The following RANBP2 variants were observed in gnomAD, a reference collection of about 807,000 sequenced individuals.
The protein encoded by RANBP2 is E3 SUMO-protein ligase RanBP2.
A neutral mutation model predicts 303.6 loss-of-function variants in RANBP2; 57 were observed. The ratio of observed to expected loss-of-function variants is 0.19; its 90% confidence interval spans 0.15 to 0.23. The LOEUF (loss-of-function observed/expected upper bound fraction) is 0.23, where lower values mean the gene tolerates loss of function less well. Ranked by LOEUF, RANBP2 falls within the 10% of genes least tolerant of loss-of-function variation. The pLI, the probability that RANBP2 is intolerant of heterozygous loss-of-function variation, is 1.00. For missense variants in RANBP2, 3,138 were observed against 3,780.8 expected (o/e 0.83, Z 4.46); for synonymous variants, 1,167 against 1,301.5 (o/e 0.90, Z 2.23).
the RANBP2 span, among the ~76,000 whole-genome samples, chr2:108,863,811 G>A: frequency 6.6e-6 from 1 of 152,164 alleles, no homozygotes; most frequent in African/African-American, 2.4e-5. Flanking sequence ...AGGGATATGT[G>A]GCACAGGGAC....
chr2:109,415,699 A>G, the RANBP2 span, among the ~76,000 whole-genome samples: 1 of 152,120 alleles, frequency 6.6e-6, no homozygotes, highest in Non-Finnish European at 1.5e-5. Context: ...GCCTGTCCTC[A>G]TCCCGTGGGG....
the RANBP2 span, among the ~76,000 whole-genome samples, chr2:109,091,510 G>A: frequency 2.0e-5 from 3 of 152,174 alleles, no homozygotes; most frequent in Non-Finnish European, 4.4e-5. Context: ...CCAGCTCTGC[G>A]TGCATTACTC....
the RANBP2 span, among the ~76,000 whole-genome samples, chr2:109,402,971 G>A: frequency 6.6e-6 from 1 of 152,134 alleles, no homozygotes. Flanking sequence ...GCTGTCCAAC[G>A]CATCGACTGC....
chr2:108,971,225 T>C, the RANBP2 span, among the ~76,000 whole-genome samples: 4 of 152,124 alleles, frequency 2.6e-5, no homozygotes, highest in Non-Finnish European at 4.4e-5. Context: ...CATCTTTATA[T>C]TTTTATATCT....
At chr2:109,165,612 C>T in the RANBP2 span, among the ~76,000 whole-genome samples, 1 of 152,320 alleles carries the variant, frequency 6.6e-6, no homozygotes, top group South Asian at 2.1e-4. Flanking sequence ...ACATTGCCAA[C>T]TCTGCCTTAG....
At chr2:109,615,680 G>T in the RANBP2 span, 4 of 1,614,070 alleles carry the variant, frequency 2.5e-6, no homozygotes, top group Non-Finnish European at 3.4e-6. Flanking sequence ...TGGGAGCCCT[G>T]GACGAGGGTG....
the RANBP2 span, among the ~76,000 whole-genome samples, chr2:109,442,332 A>C: frequency 1.3e-5 from 2 of 150,972 alleles, no homozygotes; most frequent in Non-Finnish European, 3.0e-5. Flanking sequence ...AAAAAGAAAA[A>C]ATCCACACTA....
At chr2:108,997,162 C>G in the RANBP2 span, among the ~76,000 whole-genome samples, 1 of 152,216 alleles carries the variant, frequency 6.6e-6, no homozygotes, top group Non-Finnish European at 1.5e-5. Flanking sequence ...CCTAGTATGG[C>G]TGGGCGCAGT....
chr2:109,681,050 C>T, the RANBP2 span, among the ~76,000 whole-genome samples: 1 of 152,184 alleles, frequency 6.6e-6, no homozygotes, highest in Non-Finnish European at 1.5e-5. Context: ...AAATGTCCAT[C>T]AACAGCAGAA....
At chr2:109,419,761 T>A in the RANBP2 span, 2 of 894,092 alleles carry the variant, frequency 2.2e-6, no homozygotes, top group African/African-American at 1.7e-5. Flanking sequence ...TTGGCCAGTA[T>A]AGTTATGTGC....
chr2:109,237,294 A>G, the RANBP2 span, among the ~76,000 whole-genome samples: 8 of 152,252 alleles, frequency 5.3e-5, no homozygotes, highest in African/African-American at 1.7e-4. Context: ...ATTTATCTTT[A>G]TCAGAAAACA....
At chr2:109,334,322 G>T in the RANBP2 span, among the ~76,000 whole-genome samples, 1 of 140,394 alleles carries the variant, frequency 7.1e-6, no homozygotes, top group African/African-American at 2.7e-5. Context: ...CACACCACTC[G>T]ACTTCAGATT....
At chr2:109,408,109 C>T in the RANBP2 span, among the ~76,000 whole-genome samples, 1 of 152,182 alleles carries the variant, frequency 6.6e-6, no homozygotes, top group Non-Finnish European at 1.5e-5. Flanking sequence ...ACAGAAGAGT[C>T]ACTCCCTTGT....
chr2:109,535,963 A>C, the RANBP2 span, among the ~76,000 whole-genome samples: 3 of 150,232 alleles, frequency 2.0e-5, no homozygotes, highest in Non-Finnish European at 2.9e-5. Context: ...CACAGAAGTC[A>C]AGAATTGAGG....
the RANBP2 span, among the ~76,000 whole-genome samples, chr2:109,254,823 G>C: frequency 6.6e-6 from 1 of 152,094 alleles, no homozygotes; most frequent in Non-Finnish European, 1.5e-5. Flanking sequence ...TAGGCTGGAG[G>C]CACTGCCTCG....
chr2:108,843,591 A>G, the RANBP2 span, among the ~76,000 whole-genome samples: 1 of 152,170 alleles, frequency 6.6e-6, no homozygotes, highest in African/African-American at 2.4e-5. Flanking sequence ...TACTTGAAAA[A>G]TGTGCCAATT....
the RANBP2 span, among the ~76,000 whole-genome samples, chr2:109,081,119 G>A: frequency 6.6e-6 from 1 of 152,182 alleles, no homozygotes; most frequent in Non-Finnish European, 1.5e-5. Flanking sequence ...GTGAAGAAAG[G>A]ACATAAAATC....
chr2:109,558,648 A>G, the RANBP2 span, among the ~76,000 whole-genome samples: 1 of 152,168 alleles, frequency 6.6e-6, no homozygotes, highest in Non-Finnish European at 1.5e-5. Flanking sequence ...GTGCTGGTAG[A>G]TTAGGATACC....
At chr2:109,601,959 C>T in the RANBP2 span, among the ~76,000 whole-genome samples, 1 of 152,092 alleles carries the variant, frequency 6.6e-6, no homozygotes, top group South Asian at 2.1e-4. Flanking sequence ...AAATGCGCTT[C>T]CCGAGGGAAA....
Sources: gnomAD v4.1 joint callset for allele counts (sites outside exome capture counted in the v4.1 genomes callset) on GRCh38, gnomAD v4.1.1 for gene constraint, MANE v1.5 for transcripts, NCBI Gene and HGNC (gene_info 2026-07-23, HGNC 2026-07-21) for gene names.